The following ABI3BP variants were observed in gnomAD, a reference collection of about 807,000 sequenced individuals.
ABI3BP encodes target of Nesh-SH3.
ABI3BP carries 216 observed loss-of-function variants against 268.6 expected under a neutral mutation model. The ratio of observed to expected loss-of-function variants is 0.80; its 90% CI spans 0.72 to 0.90. The LOEUF (loss-of-function observed/expected upper bound fraction) is 0.90. Among genes scored for constraint, ABI3BP ranks in the 40% least tolerant of loss-of-function variants. ABI3BP has a pLI of 0.00. For synonymous variants in ABI3BP, 730 were observed against 730.0 expected (o/e 1.00, Z 0.00); for missense variants, 2,090 against 2,182.4 (o/e 0.96, Z 0.84).
intron 50 of ABI3BP, among the ~76,000 whole-genome samples, chr3:100,805,687 T>G (rs1444122669): frequency 6.6e-6 from 1 of 152,024 alleles, no homozygotes; most frequent in Non-Finnish European, 1.5e-5. Context: ...TTGAACCAAA[T>G]GCTGAGGATC....
chr3:100,954,305 A>T (rs902626514), intron 1 of ABI3BP, among the ~76,000 whole-genome samples: 3 of 152,140 alleles, frequency 2.0e-5, no homozygotes, highest in African/African-American at 7.2e-5. Context: ...TAACAACTCC[A>T]ATTTTTTCTT....
At chr3:100,902,805 G>T in intron 2 of ABI3BP, 119 bp from the exon 3 acceptor site, 1 of 730,852 alleles carries the variant, frequency 1.4e-6, no homozygotes. Flanking sequence ...GCTCCAGGGA[G>T]TGAGAGGACC....
intron 2 of ABI3BP, among the ~76,000 whole-genome samples, chr3:100,908,064 C>T (rs895854427): frequency 3.0e-4 from 45 of 149,900 alleles, no homozygotes; most frequent in African/African-American, 1.0e-3. Context: ...TGCAGTGAGC[C>T]GAGATCGTGC....
chr3:100,817,770 C>T (rs1348040161), intron 41 of ABI3BP, among the ~76,000 whole-genome samples: 17 of 152,160 alleles, frequency 1.1e-4, no homozygotes, highest in Non-Finnish European at 1.0e-4. Flanking sequence ...GCTTTTTACA[C>T]ATTTGCATAA....
At chr3:100,759,548 C>T (rs902888675) in intron 63 of ABI3BP, among the ~76,000 whole-genome samples, 1 of 152,088 alleles carries the variant, frequency 6.6e-6, no homozygotes, top group Non-Finnish European at 1.5e-5. Context: ...TTTGTGTTCC[C>T]CCACTTCTGT....
chr3:100,765,740 G>A (rs772979498), intron 63 of ABI3BP, 101 bp downstream of exon 63: 66 of 914,852 alleles, frequency 7.2e-5, no homozygotes, highest in Middle Eastern at 2.2e-4. Context: ...GGAAGCTAGA[G>A]CCACCCTCAA....
intron 58 of ABI3BP, among the ~76,000 whole-genome samples, chr3:100,779,064 CA>C (rs1463953299): frequency 6.6e-6 from 1 of 152,138 alleles, no homozygotes; most frequent in African/African-American, 2.4e-5. Context: ...TTTCTTATAC[CA>C]TTTTAGTTTT....
intron 1 of ABI3BP, among the ~76,000 whole-genome samples, chr3:100,965,017 C>A (rs1490295257): frequency 1.3e-5 from 2 of 150,144 alleles, no homozygotes; most frequent in African/African-American, 4.9e-5. Context: ...AATAAGGAAA[C>A]CCAAACTGCA....
chr3:100,786,743 G>A (rs2097058921), intron 57 of ABI3BP, among the ~76,000 whole-genome samples: 1 of 152,082 alleles, frequency 6.6e-6, no homozygotes. Flanking sequence ...CCACAGTTGG[G>A]CAGAATAAAA....
At position 100,811,245 on chromosome 3, in the gene ABI3BP, G is replaced by C; in HGVS notation, c.3526C>G (p.Pro1176Ala). ...VESITYVSEP[P>A]ETTLETSPLP... is the part of the protein sequence containing the mutation. ...AGGTTATTACCTAGTGTGGTCTCAG[G>C]TGGTTCAGATACATATGTAATAGAT... Residue 1176 changes from proline (P) to alanine (A), a missense_variant, in exon 48 of 68, where the codon CCT becomes GCT. Transcript: ENST00000471714. 1 of 1,534,556 alleles carries C rather than the reference G, an allele frequency of 6.5e-7. No individual in the cohort carries two copies. Among genetic ancestry groups the C allele is most frequent in the Middle Eastern group, 1.7e-4 (1 of 5,974 alleles).
intron 62 of ABI3BP, among the ~76,000 whole-genome samples, chr3:100,768,842 T>C (rs2096434602): frequency 1.3e-5 from 2 of 152,214 alleles, no homozygotes; most frequent in Admixed American, 6.5e-5. Context: ...TGCTGATAAC[T>C]AACAACTTGA....
intron 33 of ABI3BP, 70 bp downstream of exon 33, chr3:100,829,511 C>G: frequency 7.2e-7 from 1 of 1,385,776 alleles, no homozygotes; most frequent in Non-Finnish European, 9.9e-7. Flanking sequence ...CCATGCCCAG[C>G]TACTTCATTC....
At chr3:100,955,173 A>C (rs1486923558) in intron 1 of ABI3BP, among the ~76,000 whole-genome samples, 1 of 152,086 alleles carries the variant, frequency 6.6e-6, no homozygotes, top group Non-Finnish European at 1.5e-5. Flanking sequence ...TCTAGCATGA[A>C]GGGCTTGCTG....
At chr3:100,975,405 G>A (rs924584983) in intron 1 of ABI3BP, among the ~76,000 whole-genome samples, 1 of 152,094 alleles carries the variant, frequency 6.6e-6, no homozygotes, top group African/African-American at 2.4e-5. Flanking sequence ...TAGCTGCCTT[G>A]GGGGAGATGG....
At chr3:100,895,134 A>C (rs1227562524) in intron 4 of ABI3BP, among the ~76,000 whole-genome samples, 1 of 151,972 alleles carries the variant, frequency 6.6e-6, no homozygotes, top group Non-Finnish European at 1.5e-5. Context: ...ATGGTGAAAT[A>C]AATTTGGGTT....
At chr3:100,975,029 T>C (rs182417352) in intron 1 of ABI3BP, among the ~76,000 whole-genome samples, 37 of 152,280 alleles carry the variant, frequency 2.4e-4, no homozygotes, top group Middle Eastern at 3.4e-3. Flanking sequence ...AGTTATTTGA[T>C]AAGAAGTTAG....
intron 2 of ABI3BP, among the ~76,000 whole-genome samples, chr3:100,923,221 C>T (rs913030208): frequency 6.6e-6 from 1 of 152,132 alleles, no homozygotes; most frequent in African/African-American, 2.4e-5. Flanking sequence ...TTTATCTGCC[C>T]TAAATGACTT....
At chr3:100,825,373 G>C (rs559915552) in intron 35 of ABI3BP, among the ~76,000 whole-genome samples, 143 of 121,672 alleles carry the variant, frequency 1.2e-3, no homozygotes, top group Admixed American at 2.6e-3. Flanking sequence ...AAACATACTG[G>C]GCATTTTTTT....
intron 3 of ABI3BP, among the ~76,000 whole-genome samples, chr3:100,901,835 T>G (rs1427152723): frequency 6.6e-6 from 1 of 151,728 alleles, no homozygotes; most frequent in African/African-American, 2.4e-5. Context: ...AGATGCAACA[T>G]CAGATAGAAA....
Sources: allele counts gnomAD v4.1 joint callset (sites outside exome capture counted in the v4.1 genomes callset), GRCh38; gene constraint gnomAD v4.1.1; transcripts MANE v1.5; gene names NCBI Gene and HGNC (gene_info 2026-07-23, HGNC 2026-07-21).